CASP10: variants seen among roughly 807,000 people sequenced by gnomAD.
CASP10 encodes caspase 10.
Under a neutral mutation model 48.5 loss-of-function variants are expected in CASP10, and 41 were observed. The observed-to-expected ratio is 0.85, with a 90% CI of 0.66 to 1.10. The LOEUF (loss-of-function observed/expected upper bound fraction) is 1.10. Ranked by LOEUF, CASP10 falls within the 50% of genes least tolerant of loss-of-function variation. The pLI, the probability that CASP10 is intolerant of heterozygous loss-of-function variation, is 0.00. For missense variants in CASP10, 614 were observed against 614.5 expected, an observed-to-expected ratio of 1.00 and a Z score of 0.01; for synonymous variants, 232 against 238.4, an observed-to-expected ratio of 0.97 and a Z score of 0.25.
At position 201,219,543 on chromosome 2, in the gene CASP10, C is replaced by T; in HGVS notation, c.*1802C>T. 1 of 985,400 alleles carries T rather than the reference C, an allele frequency of 1.0e-6. No individual in the cohort carries two copies. The highest frequency in any genetic ancestry group is 1.2e-6 in the Non-Finnish European group (1 of 829,970). The allele number at this position is 985,400 out of a possible 1,614,324, so 61.0% of individuals were successfully genotyped here. On this transcript the variant is annotated 3_prime_UTR_variant, in exon 10 of 10. Transcript: ENST00000286186. ...GCTACTACACTTTGCTCCTCTGGCC[C>T]AAGGCATGAGGAGAGAGGCTGTGTC...
chr2:201,196,905 G>A (rs572383513), intron 5 of CASP10, among the ~76,000 whole-genome samples: 1 of 151,808 alleles, frequency 6.6e-6, no homozygotes, highest in African/African-American at 2.4e-5. Context: ...GACTTTTCAG[G>A]GTACCTCATA....
chr2:201,186,118 T>C lies in CASP10; in HGVS notation c.341T>C (p.Leu114Pro). ...CTGCCCACCCGACAAAGGGTTTCTCTGTTTAGGTGAGGACGGGTCTGTGGT... is the reference window on the plus strand; with the variant it reads ...CTGCCCACCCGACAAAGGGTTTCTCCGTTTAGGTGAGGACGGGTCTGTGGT... ...RLLPTRQRVS[L>P]FRNLLYELSE... The change falls in exon 2 of 10, where the codon CTG becomes CCG. Residue 114 changes from leucine to proline, a missense_variant. Physicochemically the swap from Leu to Pro is moderately conservative, Grantham distance 98. Transcript: ENST00000286186. 1.2e-6 allele frequency: 2 copies of C among 1,610,954 alleles called. No homozygotes were observed. Among genetic ancestry groups the C allele is most frequent in the Non-Finnish European group, 1.7e-6 (2 of 1,179,062 alleles).
At position 201,220,942 on chromosome 2, in the gene CASP10, T is replaced by C. The variant is rs544834871; in HGVS notation, c.*3201T>C. ...GATTCCTTTGCTCAGAGACACTAACTAAATCAAGCTAGCTTTTTTCAGCCT... is the reference window on the plus strand; with the variant it reads ...GATTCCTTTGCTCAGAGACACTAACCAAATCAAGCTAGCTTTTTTCAGCCT... On this transcript the variant is annotated 3_prime_UTR_variant, in exon 10 of 10. Transcript: ENST00000286186. The C allele has an allele frequency of 7.1e-6, 7 of 985,458 alleles. No individual in the cohort carries two copies. Among genetic ancestry groups the C allele is most frequent in the African/African-American group, 1.7e-5 (1 of 57,368 alleles). The allele number at this position is 985,458 out of a possible 1,614,324, so 61.0% of individuals were successfully genotyped here. A position where few individuals can be genotyped will look rare whatever the true frequency, so the allele number is the denominator to read the frequency against.
chr2:201,190,310 G>T (rs1944563529), intron 3 of CASP10, among the ~76,000 whole-genome samples: 1 of 151,308 alleles, frequency 6.6e-6, no homozygotes, highest in Non-Finnish European at 1.5e-5. Flanking sequence ...ACACACACAT[G>T]CACACACACA....
Position 201,193,013 on chromosome 2 carries a change from G to T in CASP10, c.471G>T (p.Glu157Asp), listed in dbSNP as rs1037621640. The change falls in exon 4 of 10, where the codon GAG becomes GAT. Residue 157 changes from glutamate to aspartate, a missense_variant. Glu to Asp is a conservative substitution (Grantham distance 45, BLOSUM62 2). Transcript: ENST00000286186. ...MTSLSFLAFLEKQGKIDEDNL... is the reference protein window; with the variant it reads ...MTSLSFLAFLDKQGKIDEDNL... The stretch of plus-strand genomic sequence containing the variant: ...CCCTAAGTTTCCTGGCATTTCTAGA[G>T]AAACAAGGTAAAATAGATGAAGATA... The T allele has an allele frequency of 3.7e-6, 6 of 1,613,706 alleles. No individual in the cohort carries two copies. The highest frequency in any genetic ancestry group is 1.7e-4 in the Middle Eastern group (1 of 6,060).
chr2:201,199,097 A>G (rs906049149), intron 5 of CASP10, among the ~76,000 whole-genome samples: 3 of 152,114 alleles, frequency 2.0e-5, no homozygotes, highest in Admixed American at 6.6e-5. Flanking sequence ...CCACACACAC[A>G]TAATTTTTTT....
At chr2:201,228,780 C>T (rs1424700090) in intron 9 of CASP10, among the ~76,000 whole-genome samples, 1 of 152,116 alleles carries the variant, frequency 6.6e-6, no homozygotes, top group African/African-American at 2.4e-5. Flanking sequence ...ATAGACTGCT[C>T]CATTACTGAT....
At chr2:201,203,889 T>G in intron 6 of CASP10, 123 bp downstream of exon 6, 2 of 828,678 alleles carry the variant, frequency 2.4e-6, no homozygotes, top group South Asian at 2.8e-5. Context: ...GAATAATTCA[T>G]TTTTTATTCC....
Position 201,208,174 on chromosome 2 carries a change from A to G in CASP10, c.913A>G (p.Lys305Glu), listed in dbSNP as rs149912574. 1.3e-4 allele frequency: 209 copies of G among 1,612,644 alleles called. No individual in the cohort carries two copies. The highest frequency in any genetic ancestry group is 1.6e-4 in the Middle Eastern group (1 of 6,072). ...CCTGAAGGACAGACAAGGAACCCATAAAGATGCTGGTAAGAAAGTCTGGAA... is the reference window on the plus strand; with the variant it reads ...CCTGAAGGACAGACAAGGAACCCATGAAGATGCTGGTAAGAAAGTCTGGAA... ...TSLKDRQGTHKDAEILSHVFQ... is the reference protein window; with the variant it reads ...TSLKDRQGTHEDAEILSHVFQ... Residue 305 changes from lysine (K) to glutamate (E), a missense_variant, in exon 8 of 10, where the codon AAA becomes GAA. Transcript: ENST00000286186.
rs1452409142 is a variant in CASP10, at chr2:201,208,136, A to T, written c.875A>T (p.His292Leu). 16 of 1,614,126 alleles carry T rather than the reference A, an allele frequency of 9.9e-6. No homozygotes were observed. The highest frequency in any genetic ancestry group is 1.4e-5 in the Non-Finnish European group (16 of 1,179,968). ...GGCCTCTGTGTCATTGTCAACAACC[A>T]CAGCTTTACCTCCCTGAAGGACAGA... ...HRGLCVIVNN[H>L]SFTSLKDRQG... Residue 292 changes from histidine to leucine, a missense_variant, in exon 8 of 10, where the codon CAC becomes CTC. Coordinates refer to ENST00000286186, the MANE Select transcript of CASP10 (RefSeq NM_032977.4).
rs1187095859 is a variant in CASP10 at position 201,194,341 on chromosome 2, G to A, written c.577+1222G>A. Among the ~76,000 whole-genome samples the A allele has an allele frequency of 1.3e-5, 2 of 152,166 alleles. 1 individual carries two copies. The highest frequency in any genetic ancestry group is 2.9e-5 in the Non-Finnish European group (2 of 68,034). ...ACACCCTTAATTTAGTTCAGTGAGT[G>A]ACTCTAGTGTGCAAATTTCTTGGTT... On this transcript the variant is annotated intron_variant, in intron 4 of 9. Coordinates refer to ENST00000286186, the MANE Select transcript of CASP10 (RefSeq NM_032977.4).
intron 9 of CASP10, among the ~76,000 whole-genome samples, chr2:201,226,924 AAT>A (rs1945794382): frequency 6.6e-6 from 1 of 152,154 alleles, no homozygotes; most frequent in Admixed American, 6.6e-5. Flanking sequence ...CTGAGCAAAT[AAT>A]ATATATAATA....
At chr2:201,203,704 T>C (rs755292030) in intron 5 of CASP10, 26 bp from the exon 6 acceptor site, 26 of 1,608,658 alleles carry the variant, frequency 1.6e-5, no homozygotes, top group Non-Finnish European at 2.2e-5. Context: ...TTCCTATGTT[T>C]CATGCCCTCC....
At position 201,185,869 on chromosome 2, in the gene CASP10, T is replaced by C; in HGVS notation, c.92T>C (p.Leu31Pro). 1 of 1,614,074 alleles carries C rather than the reference T, an allele frequency of 6.2e-7. No homozygotes were observed. Among genetic ancestry groups the C allele is most frequent in the Non-Finnish European group, 8.5e-7 (1 of 1,179,940 alleles). ...REKLLIIDSN[L>P]GVQDVENLKF... Reference sequence around the variant, plus strand: ...AAGCTTCTGATTATTGATTCAAACCTGGGGGTCCAAGATGTGGAGAACCTC... The same window carrying C: ...AAGCTTCTGATTATTGATTCAAACCCGGGGGTCCAAGATGTGGAGAACCTC... Residue 31 changes from leucine (L) to proline (P), a missense_variant, in exon 2 of 10, where the codon CTG becomes CCG. Leu to Pro is a moderately conservative substitution (Grantham distance 98). Coordinates refer to ENST00000286186, the MANE Select transcript of CASP10 (RefSeq NM_032977.4).
In CASP10 at chr2:201,208,091, G is replaced by A. The variant is rs958667368; in HGVS notation, c.830G>A (p.Arg277Lys). 3.7e-6 allele frequency: 6 copies of A among 1,613,588 alleles called. No individual in the cohort carries two copies. The highest frequency in any genetic ancestry group is 5.1e-6 in the Non-Finnish European group (6 of 1,179,566). ...ETSTKRAAVY[R>K]MNRNHRGLCV... ...TTCTTCAAGAGGGCAGCTGTGTACA[G>A]GATGAATCGGAACCACAGAGGCCTC... The change falls in exon 8 of 10, where the codon AGG becomes AAG. Residue 277 changes from arginine to lysine, a missense_variant. By Grantham distance (26) the Arg-to-Lys change is conservative. Transcript: ENST00000286186.
intron 9 of CASP10, chr2:201,212,372 G>C (rs551258469): frequency 2.4e-4 from 36 of 152,310 alleles, no homozygotes; most frequent in African/African-American, 8.7e-4. Context: ...GACTGGGGTT[G>C]GGCCTTCCAA....
Position 201,218,502 on chromosome 2 carries a change from A to G in CASP10, c.*761A>G, listed in dbSNP as rs1475317069. The G allele has an allele frequency of 2.6e-5, 19 of 727,756 alleles. No individual in the cohort carries two copies. Among genetic ancestry groups the G allele is most frequent in the Non-Finnish European group, 3.2e-5 (19 of 596,742 alleles). 45.1% of individuals were successfully genotyped at this position (727,756 alleles called of 1,614,324 possible). A position where few individuals can be genotyped will look rare whatever the true frequency, so the allele number is the denominator to read the frequency against. On this transcript the variant is annotated 3_prime_UTR_variant, in exon 10 of 10. Coordinates refer to ENST00000286186, the MANE Select transcript of CASP10 (RefSeq NM_032977.4). ...TTTTTTGTGGAGATGGGGTTTCACT[A>G]TGTTGCCTAAGCTGGTCTCAAACTC...
chr2:201,198,436 G>A (rs1249457885), intron 5 of CASP10, among the ~76,000 whole-genome samples: 2 of 151,496 alleles, frequency 1.3e-5, no homozygotes, highest in African/African-American at 4.8e-5. Flanking sequence ...TGTTGGCCAG[G>A]CTGATCTCGA....
chr2:201,193,922 T>C (rs770811738), intron 4 of CASP10, among the ~76,000 whole-genome samples: 1 of 152,152 alleles, frequency 6.6e-6, no homozygotes, highest in African/African-American at 2.4e-5. Flanking sequence ...TAATTGTACC[T>C]ACCTCCTAGG....
Sources: allele counts gnomAD v4.1 joint callset (sites outside exome capture counted in the v4.1 genomes callset), GRCh38; gene constraint gnomAD v4.1.1; transcripts MANE v1.5; gene names NCBI Gene and HGNC (gene_info 2026-07-23, HGNC 2026-07-21).